Variants in XPO6 observed in about 807,000 individuals in gnomAD.
XPO6 encodes the protein exportin 6.
Under a neutral mutation model 130.0 loss-of-function variants are expected in XPO6, and 3 were observed. The ratio of observed to expected loss-of-function variants is 0.02; its 90% confidence interval spans 0.01 to 0.06. XPO6 has a LOEUF of 0.06. Among genes scored for constraint, XPO6 ranks in the 10% least tolerant of loss-of-function variants. XPO6 has a pLI of 1.00. For synonymous variants in XPO6, 524 were observed against 548.9 expected (o/e 0.95, Z 0.63); for missense variants, 970 against 1,393.0 (o/e 0.70, Z 4.83).
At chr16:28,170,822 C>T (rs1466856662) in intron 4 of XPO6, among the ~76,000 whole-genome samples, 2 of 152,150 alleles carry the variant, frequency 1.3e-5, no homozygotes, top group Non-Finnish European at 2.9e-5. Flanking sequence ...GAAAGTTTAA[C>T]TAAACAAGAC....
In XPO6 at chr16:28,101,883, C is replaced by T. The variant is rs1440790217; in HGVS notation, c.3009G>A (p.Leu1003=). ...GCTTCTGCTTGGTGTTGAGAGTCTC[C>T]AAGTAGAAGAGATTTTGTTTAAAAA... is the stretch of plus-strand genomic sequence containing the variant. ...IHLFKQNLFY[L]ETLNTKQKLY... is the part of the protein sequence containing the mutation. The change falls in exon 22 of 24, where the codon TTG becomes TTA. Residue 1003 remains leucine, a synonymous_variant. Coordinates refer to ENST00000304658, the MANE Select transcript of XPO6 (RefSeq NM_015171.4). This position sits in a 1 kb window ranked among gnomAD's most constrained non-coding sequence, Gnocchi z 5.4. The T allele has an allele frequency of 1.2e-6, 2 of 1,614,026 alleles. No homozygotes were observed. The highest frequency in any genetic ancestry group is 1.3e-5 in the African/African-American group (1 of 74,992).
intron 9 of XPO6, among the ~76,000 whole-genome samples, chr16:28,143,270 C>T (rs558791341): frequency 6.6e-6 from 1 of 152,288 alleles, no homozygotes; most frequent in Non-Finnish European, 1.5e-5. Context: ...CCTAACGCTA[C>T]AGTCACAACC....
chr16:28,103,056 G>A (rs1036503515), intron 21 of XPO6, among the ~76,000 whole-genome samples: 3 of 152,084 alleles, frequency 2.0e-5, no homozygotes, highest in Admixed American at 6.5e-5. Context: ...AACTTTTGAG[G>A]TTTATCTTTC....
At chr16:28,113,862 A>C (rs747671736) in intron 15 of XPO6, among the ~76,000 whole-genome samples, 1 of 152,204 alleles carries the variant, frequency 6.6e-6, no homozygotes, top group African/African-American at 2.4e-5. Context: ...CATATTCCTG[A>C]TGGGATAGGA....
intron 8 of XPO6, among the ~76,000 whole-genome samples, 178 bp downstream of exon 8, chr16:28,152,481 C>T (rs2043112583): frequency 6.6e-6 from 1 of 152,156 alleles, no homozygotes; most frequent in African/African-American, 2.4e-5. Flanking sequence ...ACAGAGATGA[C>T]AATGGTAATA....
chr16:28,140,363 T>C (rs1030420832), intron 9 of XPO6, among the ~76,000 whole-genome samples: 2 of 151,340 alleles, frequency 1.3e-5, no homozygotes, highest in African/African-American at 4.9e-5. Context: ...TTAAATCAAA[T>C]GAAAATTAAA....
chr16:28,155,656 G>C (rs2043171915), intron 7 of XPO6: 1 of 167,854 alleles, frequency 6.0e-6, no homozygotes, highest in Admixed American at 5.6e-5. Context: ...AAGTCAAATA[G>C]TAAAAACTGA....
chr16:28,194,556 T>TGCCTGTCTGTACTCCCAAAC (rs1413056201), intron 1 of XPO6, among the ~76,000 whole-genome samples: 1 of 152,130 alleles, frequency 6.6e-6, no homozygotes, highest in Non-Finnish European at 1.5e-5. Flanking sequence ...GGGTCTCAAA[T>TGCCTGTCTGTACTCCCAAAC]GCCTGTCTGT....
rs763250318 is a variant in XPO6 at position 28,135,206 on chromosome 16, T to A, written c.1443+10A>T. Reference sequence around the variant, plus strand: ...CAGCGACAAAAAATCAATCAGGGCATGCCGCTTACATCGTCATCCAGAGTC... The same window carrying A: ...CAGCGACAAAAAATCAATCAGGGCAAGCCGCTTACATCGTCATCCAGAGTC... On this transcript the variant is annotated intron_variant, in intron 10 of 23. Coordinates refer to ENST00000304658, the MANE Select transcript of XPO6 (RefSeq NM_015171.4). 37 of 1,611,466 alleles carry A rather than the reference T, an allele frequency of 2.3e-5. No homozygotes were observed. Among genetic ancestry groups the A allele is most frequent in the Non-Finnish European group, 3.1e-5 (36 of 1,177,926 alleles).
intron 8 of XPO6, among the ~76,000 whole-genome samples, chr16:28,152,015 T>C (rs1015317594): frequency 2.6e-5 from 4 of 152,186 alleles, no homozygotes; most frequent in African/African-American, 9.7e-5. Flanking sequence ...ATGAGTGAAT[T>C]TCATGGTATA....
At chr16:28,152,956 A>G in intron 7 of XPO6, 171 bp from the exon 8 acceptor site, 1 of 1,311,924 alleles carries the variant, frequency 7.6e-7, no homozygotes, top group Non-Finnish European at 9.7e-7. Flanking sequence ...CCTTCATTCC[A>G]TTAACCACCT....
intron 9 of XPO6, among the ~76,000 whole-genome samples, chr16:28,141,924 C>G (rs1164478364): frequency 6.6e-6 from 1 of 152,248 alleles, no homozygotes; most frequent in East Asian, 1.9e-4. Flanking sequence ...CGCGCCACTG[C>G]GCTCCTGACC....
Position 28,166,489 on chromosome 16 carries a change from G to A in XPO6, c.643+19C>T. Reference sequence around the variant, plus strand: ...TACATTTAAAAAGAAGAATGCCTTGGCTGGCAGGCAGACCATACCACTTTC... The same window carrying A: ...TACATTTAAAAAGAAGAATGCCTTGACTGGCAGGCAGACCATACCACTTTC... On this transcript the variant is annotated intron_variant, in intron 6 of 23. Coordinates refer to ENST00000304658, the MANE Select transcript of XPO6 (RefSeq NM_015171.4). The A allele has an allele frequency of 6.4e-7, 1 of 1,570,882 alleles. No individual in the cohort carries two copies. The highest frequency in any genetic ancestry group is 8.6e-7 in the Non-Finnish European group (1 of 1,156,198).
chr16:28,102,864 C>T (rs1018058913), intron 21 of XPO6, among the ~76,000 whole-genome samples: 3 of 152,100 alleles, frequency 2.0e-5, no homozygotes, highest in Admixed American at 6.6e-5. Context: ...TCGGGGAGGC[C>T]GGTGGTCTGC....
chr16:28,118,866 C>A (rs1419841255), intron 14 of XPO6, among the ~76,000 whole-genome samples: 1 of 152,178 alleles, frequency 6.6e-6, no homozygotes, highest in Non-Finnish European at 1.5e-5. Flanking sequence ...CATCACCCCC[C>A]CAGACTTGAG....
chr16:28,151,153 A>C (rs59497011), intron 8 of XPO6, among the ~76,000 whole-genome samples: 8,008 of 146,866 alleles, frequency 0.055, 583 homozygotes, highest in East Asian at 0.17. Context: ...TTTCCTCTAG[A>C]CACATTAAGC....
rs769201950 is a variant in XPO6 at position 28,132,401 on chromosome 16, G to A, written c.1539C>T (p.Phe513=). The change falls in exon 12 of 24, where the codon TTC becomes TTT. Residue 513 remains phenylalanine (F), a splice_region_variant and synonymous_variant. Coordinates refer to ENST00000304658, the MANE Select transcript of XPO6 (RefSeq NM_015171.4). The surrounding 1 kb of genome is among the most constrained non-coding windows in gnomAD (Gnocchi z 4.0). ...CTTCTAAATTGTCCTGAAGAACAGG[G>A]AACTGAAAACAAAGAAACAAAAACA... ...LLPTHAFSTL[F]PVLQDNLEVY... is the part of the protein sequence containing the mutation. The A allele has an allele frequency of 1.3e-6, 2 of 1,598,302 alleles. No individual in the cohort carries two copies. Among genetic ancestry groups the A allele is most frequent in the Non-Finnish European group, 1.7e-6 (2 of 1,172,116 alleles).
At chr16:28,115,771 T>G (rs1403007916) in intron 15 of XPO6, among the ~76,000 whole-genome samples, 2 of 152,258 alleles carry the variant, frequency 1.3e-5, no homozygotes, top group African/African-American at 4.8e-5. Context: ...CTGTCTCATC[T>G]ACACAGAAAA....
chr16:28,200,203 T>C (rs928414826), intron 1 of XPO6, among the ~76,000 whole-genome samples: 1 of 151,954 alleles, frequency 6.6e-6, no homozygotes. Flanking sequence ...CAGGTCTGAT[T>C]ATTAATGAGT....
Sources: allele counts gnomAD v4.1 joint callset (sites outside exome capture counted in the v4.1 genomes callset), GRCh38; gene constraint gnomAD v4.1.1; non-coding constraint Gnocchi (gnomAD v3.1); transcripts MANE v1.5; gene names NCBI Gene and HGNC (gene_info 2026-07-23, HGNC 2026-07-21).